Variants in RYR3 observed in about 807,000 individuals in gnomAD.
RYR3 encodes brain ryanodine receptor-calcium release channel.
In RYR3, 207 loss-of-function variants were observed where a neutral mutation model predicts 584.3. That is an observed-to-expected ratio of 0.35 (90% CI 0.32 to 0.40). The LOEUF is 0.40. Among genes scored for constraint, RYR3 ranks in the 10% least tolerant of loss-of-function variants. The pLI is 1.00. For missense variants in RYR3, 5,616 were observed against 6,089.2 expected (o/e 0.92, Z 2.59); for synonymous variants, 2,416 against 2,248.5 (o/e 1.07, Z -2.11).
At chr15:33,710,635 C>T (rs888899912) in intron 43 of RYR3, among the ~76,000 whole-genome samples, 27 of 152,182 alleles carry the variant, frequency 1.8e-4, no homozygotes, top group African/African-American at 5.3e-4. Flanking sequence ...TGAGGCTCCA[C>T]ACCTGCAGCA....
At chr15:33,757,325 G>C (rs2071943285) in intron 59 of RYR3, 150 bp from the exon 60 acceptor site, 1 of 823,398 alleles carries the variant, frequency 1.2e-6, no homozygotes, top group East Asian at 2.7e-5. Context: ...AAAATACGAT[G>C]GAAACTGGGA....
intron 1 of RYR3, among the ~76,000 whole-genome samples, chr15:33,411,559 C>A (rs2043409965): frequency 6.6e-6 from 1 of 152,188 alleles, no homozygotes; most frequent in Admixed American, 6.5e-5. Flanking sequence ...TGCTATCTTC[C>A]CAGTCAACCC....
At chr15:33,369,600 G>C (rs1339883049) in intron 1 of RYR3, among the ~76,000 whole-genome samples, 1 of 151,972 alleles carries the variant, frequency 6.6e-6, no homozygotes, top group Admixed American at 6.6e-5. Context: ...CTGTCTGTCT[G>C]TCTGTCTATC....
rs1296304871 is a variant in RYR3, at chr15:33,859,621, T to C, written c.14189T>C (p.Ile4730Thr). 8 of 1,613,942 alleles carry C rather than the reference T, an allele frequency of 5.0e-6. No homozygotes were observed. The highest frequency in any genetic ancestry group is 2.2e-5 in the East Asian group (1 of 44,904). Reference sequence around the variant, plus strand: ...GTGGGAGTGAGAGCAGGAGGTGGCATTGGTGATGAAATTGAAGACCCTGCT... The same window carrying C: ...GTGGGAGTGAGAGCAGGAGGTGGCACTGGTGATGAAATTGAAGACCCTGCT... ...MYVGVRAGGG[I>T]GDEIEDPAGD... The change falls in exon 100 of 104, where the codon ATT becomes ACT. Residue 4730 changes from isoleucine (I) to threonine (T), a missense_variant. Ile to Thr is a moderately conservative substitution (Grantham distance 89). Coordinates refer to ENST00000634891, the MANE Select transcript of RYR3 (RefSeq NM_001036.6).
chr15:33,585,534 A>G (rs1269662493), intron 15 of RYR3, among the ~76,000 whole-genome samples: 1 of 152,222 alleles, frequency 6.6e-6, no homozygotes, highest in African/African-American at 2.4e-5. Flanking sequence ...CTAAAATAAA[A>G]ATAATTTCTA....
At position 33,487,833 on chromosome 15, in the gene RYR3, A is replaced by G. The variant is rs1169513372; in HGVS notation, c.171+14295A>G. On this transcript the variant is annotated intron_variant, in intron 2 of 103. Transcript: ENST00000634891. ...CAGATTCTGAAAAACATGGCTCCACATTCCAGTTCTTCGTGATTGGCAGCT... is the reference window on the plus strand; with the variant it reads ...CAGATTCTGAAAAACATGGCTCCACGTTCCAGTTCTTCGTGATTGGCAGCT... 2.0e-5 allele frequency among the ~76,000 whole-genome samples: 3 copies of G among 152,226 alleles called. No individual in the cohort carries two copies. In the East Asian group the frequency reaches 5.8e-4, roughly 29 times the overall value.
chr15:33,511,330 A>T (rs1407053564), intron 3 of RYR3, among the ~76,000 whole-genome samples: 1 of 56,428 alleles, frequency 1.8e-5, no homozygotes, highest in Non-Finnish European at 3.3e-5. Context: ...TTCTCTCTTT[A>T]AAAAAAAAAA....
At chr15:33,862,939 G>A (rs908905203) in intron 102 of RYR3, among the ~76,000 whole-genome samples, 6 of 152,210 alleles carry the variant, frequency 3.9e-5, no homozygotes, top group African/African-American at 7.2e-5. Flanking sequence ...GTTTTAAAAA[G>A]ATAACTTTAC....
intron 10 of RYR3, among the ~76,000 whole-genome samples, chr15:33,555,973 AG>A: frequency 6.6e-6 from 1 of 152,318 alleles, no homozygotes; most frequent in Admixed American, 6.5e-5. Flanking sequence ...GAAAGTCTTA[AG>A]GGGGCTGTAT....
chr15:33,836,774 T>C (rs73372072), intron 87 of RYR3, 132 bp from the exon 88 acceptor site: 33,649 of 619,058 alleles, frequency 0.054, 1,458 homozygotes, highest in African/African-American at 0.18. Context: ...TCATTCAGAA[T>C]GAGAAGGAAG....
At chr15:33,584,531 G>GT (rs143908984) in intron 15 of RYR3, 41 bp downstream of exon 15, 15,568 of 750,328 alleles carry the variant, frequency 0.021, 8 homozygotes, top group South Asian at 0.034. Flanking sequence ...AAGATGAAGG[G>GT]TTTTTTTTTT....
intron 86 of RYR3, among the ~76,000 whole-genome samples, chr15:33,832,723 G>A (rs1316295446): frequency 6.6e-6 from 1 of 151,464 alleles, no homozygotes; most frequent in Non-Finnish European, 1.5e-5. Flanking sequence ...AGAGCCAAAG[G>A]GGCCAGGTGC....
At chr15:33,627,684 G>C (rs1478497562) in intron 20 of RYR3, among the ~76,000 whole-genome samples, 1 of 152,226 alleles carries the variant, frequency 6.6e-6, no homozygotes, top group Non-Finnish European at 1.5e-5. Context: ...TCTAGTCTTA[G>C]TGTCAAGGAA....
rs1164094341 is a variant in RYR3, at chr15:33,865,245, CGACAATTCTG to C, written c.*24_*33del. 1.9e-6 allele frequency: 3 copies of C among 1,547,208 alleles called. No homozygotes were observed. The African/African-American group carries it at 4.1e-5, about 21-fold the overall frequency. ...TGGATAAATCTGAATCAAAGAAGCG[CGACAATTCTG>C]GACAGTCAACTTCCCATGAAATAAA... is the stretch of plus-strand genomic sequence containing the variant. On this transcript the variant is annotated 3_prime_UTR_variant, in exon 104 of 104. Coordinates refer to ENST00000634891, the MANE Select transcript of RYR3 (RefSeq NM_001036.6).
At chr15:33,341,389 G>T (rs958701219) in intron 1 of RYR3, among the ~76,000 whole-genome samples, 1 of 152,162 alleles carries the variant, frequency 6.6e-6, no homozygotes, top group African/African-American at 2.4e-5. Flanking sequence ...TGCTGCTGCT[G>T]CTGCTGCTCT....
rs921972246 is a variant in RYR3 at position 33,602,995 on chromosome 15, C to A, written c.1923-128C>A. 4 of 955,898 alleles carry A rather than the reference C, an allele frequency of 4.2e-6. No homozygotes were observed. In the African/African-American group the frequency reaches 6.6e-5, roughly 16 times the overall value. The allele number at this position is 955,898 out of a possible 1,614,324, so 59.2% of individuals were successfully genotyped here. A position where few individuals can be genotyped will look rare whatever the true frequency, so the allele number is the denominator to read the frequency against. On this transcript the variant is annotated intron_variant, in intron 17 of 103. Transcript: ENST00000634891. ...TTAGAGATCCCTCCCATCTTTTGAGCAATATGAAATACACAGCATTGCTCT... is the reference window on the plus strand; with the variant it reads ...TTAGAGATCCCTCCCATCTTTTGAGAAATATGAAATACACAGCATTGCTCT...
intron 1 of RYR3, among the ~76,000 whole-genome samples, chr15:33,373,879 A>C (rs2040523705): frequency 6.6e-6 from 1 of 152,214 alleles, no homozygotes; most frequent in Non-Finnish European, 1.5e-5. Flanking sequence ...AAGGTAAATA[A>C]GTTTTTTTAA....
rs116525338 is a variant in RYR3, at chr15:33,679,994, T to C, written c.5860+9438T>C. On this transcript the variant is annotated intron_variant, in intron 38 of 103. Transcript: ENST00000634891. Reference sequence around the variant, plus strand: ...TTGAGAGTAAACAGCTCTCAGATGGTCAGGTAGATGTGCTTAGATTCCAGC... The same window carrying C: ...TTGAGAGTAAACAGCTCTCAGATGGCCAGGTAGATGTGCTTAGATTCCAGC... Among the ~76,000 whole-genome samples the C allele has an allele frequency of 4.7e-3, 719 of 152,288 alleles. 3 individuals are homozygous for C. Among genetic ancestry groups the C allele is most frequent in the African/African-American group, 0.016 (683 of 41,556 alleles).
At chr15:33,792,308 T>C (rs773225888) in intron 67 of RYR3, among the ~76,000 whole-genome samples, 9 of 152,132 alleles carry the variant, frequency 5.9e-5, no homozygotes, top group Non-Finnish European at 8.8e-5. Context: ...GAGCACAATA[T>C]AATGAACTTA....
Sources: allele counts gnomAD v4.1 joint callset (sites outside exome capture counted in the v4.1 genomes callset), GRCh38; gene constraint gnomAD v4.1.1; transcripts MANE v1.5; gene names NCBI Gene and HGNC (gene_info 2026-07-23, HGNC 2026-07-21).